Variants in BEND7 observed in about 807,000 individuals in gnomAD.
The protein encoded by BEND7 is BEN domain containing 7.
BEND7 carries 28 observed loss-of-function variants against 50.9 expected under a neutral mutation model. The observed-to-expected ratio is 0.55, with a 90% CI of 0.41 to 0.75. The LOEUF (loss-of-function observed/expected upper bound fraction) is 0.75, where lower values mean the gene tolerates loss of function less well. Ranked by LOEUF, BEND7 falls within the 30% of genes least tolerant of loss-of-function variation. The pLI, the probability that BEND7 is intolerant of heterozygous loss-of-function variation, is 0.00. For missense variants in BEND7, 477 were observed against 491.3 expected, an observed-to-expected ratio of 0.97 and a Z score of 0.28; for synonymous variants, 170 against 183.9, an observed-to-expected ratio of 0.92 and a Z score of 0.61.
intron 8 of BEND7, chr10:13,444,454 C>T (rs1835859946): frequency 6.6e-6 from 1 of 152,132 alleles, no homozygotes; most frequent in African/African-American, 2.4e-5. Context: ...CCCAAATACA[C>T]AACTTTGGAA....
chr10:13,442,567 C>G (rs1231932714), intron 8 of BEND7: 2 of 152,098 alleles, frequency 1.3e-5, no homozygotes, highest in African/African-American at 4.8e-5. Context: ...AAGTGGAGGG[C>G]AAGTATACTA....
At chr10:13,506,353 G>A (rs559208157) in intron 2 of BEND7, among the ~76,000 whole-genome samples, 5 of 152,230 alleles carry the variant, frequency 3.3e-5, no homozygotes, top group African/African-American at 1.2e-4. Flanking sequence ...CTTGCTCCCC[G>A]AAACACGGCT....
At chr10:13,468,120 TGC>T (rs2074438838) in intron 6 of BEND7, among the ~76,000 whole-genome samples, 1 of 152,166 alleles carries the variant, frequency 6.6e-6, no homozygotes, top group Admixed American at 6.5e-5. Context: ...TGTCCCAGTG[TGC>T]GCAGTAAATG....
intron 2 of BEND7, among the ~76,000 whole-genome samples, chr10:13,521,735 A>C (rs947880042): frequency 1.3e-5 from 2 of 152,208 alleles, no homozygotes; most frequent in Non-Finnish European, 2.9e-5. Flanking sequence ...AGTGGGGCTC[A>C]GCTCCCAAGC....
chr10:13,510,885 A>G (rs1014767466), intron 2 of BEND7, among the ~76,000 whole-genome samples: 2 of 152,112 alleles, frequency 1.3e-5, no homozygotes, highest in Non-Finnish European at 2.9e-5. Context: ...AAAAAAAACA[A>G]ACTAGTCAAG....
intron 2 of BEND7, among the ~76,000 whole-genome samples, chr10:13,522,697 C>T (rs1374484952): frequency 6.6e-6 from 1 of 152,202 alleles, no homozygotes; most frequent in Non-Finnish European, 1.5e-5. Context: ...TCTACCCCTT[C>T]CAACTCTGCA....
intron 5 of BEND7, among the ~76,000 whole-genome samples, chr10:13,481,414 A>T (rs2075848710): frequency 1.3e-5 from 2 of 152,306 alleles, no homozygotes; most frequent in East Asian, 1.9e-4. Context: ...TCTAGAGCTA[A>T]CAGGGAGTTG....
At chr10:13,465,612 T>G (rs918170441) in intron 6 of BEND7, among the ~76,000 whole-genome samples, 1 of 152,214 alleles carries the variant, frequency 6.6e-6, no homozygotes, top group African/African-American at 2.4e-5. Context: ...TTCTGAGAAT[T>G]TGGAATATAA....
intron 8 of BEND7, chr10:13,441,977 C>T (rs1835395024): frequency 3.9e-6 from 2 of 517,006 alleles, no homozygotes; most frequent in South Asian, 5.8e-5. Flanking sequence ...ACAGGGATGC[C>T]TTCTCTCATC....
intron 4 of BEND7, among the ~76,000 whole-genome samples, chr10:13,495,215 A>C (rs900565601): frequency 2.0e-5 from 3 of 152,248 alleles, no homozygotes; most frequent in Non-Finnish European, 4.4e-5. Flanking sequence ...AACATCATAA[A>C]GTAACCTTTC....
intron 3 of BEND7, among the ~76,000 whole-genome samples, chr10:13,499,515 C>T (rs376002556): frequency 8.5e-5 from 13 of 152,112 alleles, no homozygotes; most frequent in Admixed American, 8.5e-4. Flanking sequence ...ACAAAATGAT[C>T]GCTTTAACCT....
chr10:13,446,353 G>A (rs1386197883), intron 8 of BEND7: 3 of 152,136 alleles, frequency 2.0e-5, no homozygotes, highest in African/African-American at 7.2e-5. Context: ...ATGAATACAT[G>A]GCCTAGTCAA....
Position 13,528,689 on chromosome 10 carries a change from C to G in BEND7, c.-156G>C. 4.9e-6 allele frequency: 1 copy of G among 206,180 alleles called. No homozygotes were observed. The highest frequency in any genetic ancestry group is 8.4e-6 in the Non-Finnish European group (1 of 119,730). The allele number at this position is 206,180 out of a possible 1,614,324, so 12.8% of individuals were successfully genotyped here. A position where few individuals can be genotyped will look rare whatever the true frequency, so the allele number is the denominator to read the frequency against. On this transcript the variant is annotated 5_prime_UTR_variant, in exon 1 of 9. Transcript: ENST00000466271. ...GAGTCGGCGAGGGGAGGCCGCGGGA[C>G]GGGAGGAACCACCGCGAGCCGGCTC...
intron 6 of BEND7, among the ~76,000 whole-genome samples, chr10:13,468,724 A>C (rs1041239387): frequency 6.6e-6 from 1 of 152,198 alleles, no homozygotes; most frequent in African/African-American, 2.4e-5. Flanking sequence ...TGAATGAGAG[A>C]GGAGGGACAA....
At chr10:13,515,987 C>A (rs1249592798) in intron 2 of BEND7, among the ~76,000 whole-genome samples, 1 of 152,206 alleles carries the variant, frequency 6.6e-6, no homozygotes, top group Admixed American at 6.5e-5. Flanking sequence ...ATGGGACAAG[C>A]CTGCACAAGG....
At chr10:13,483,672 C>A (rs1291264845) in intron 5 of BEND7, among the ~76,000 whole-genome samples, 1 of 152,222 alleles carries the variant, frequency 6.6e-6, no homozygotes. Context: ...TACCTACTCA[C>A]TGAGCCCCCT....
At chr10:13,493,683 C>T (rs1235346596) in intron 4 of BEND7, among the ~76,000 whole-genome samples, 1 of 152,160 alleles carries the variant, frequency 6.6e-6, no homozygotes, top group Non-Finnish European at 1.5e-5. Flanking sequence ...TTAAAGAAAT[C>T]CAGGATGGTA....
intron 8 of BEND7, chr10:13,445,386 C>T (rs1399056565): frequency 6.6e-6 from 1 of 152,306 alleles, no homozygotes; most frequent in East Asian, 1.9e-4. Flanking sequence ...GCACATCCAT[C>T]ATCTCTTAGG....
chr10:13,439,197 AG>A (rs1564479361), downstream of BEND7: 2 of 1,613,664 alleles, frequency 1.2e-6, no homozygotes, highest in East Asian at 2.2e-5. Flanking sequence ...AGAGATGTGA[AG>A]GGTAAGAGAC....
Sources: allele counts gnomAD v4.1 joint callset (sites outside exome capture counted in the v4.1 genomes callset), GRCh38; gene constraint gnomAD v4.1.1; transcripts MANE v1.5; gene names NCBI Gene and HGNC (gene_info 2026-07-23, HGNC 2026-07-21).